Variants in GNAO1 observed in about 807,000 individuals in gnomAD.
The protein encoded by GNAO1 is G protein subunit alpha o1.
For synonymous variants in GNAO1, 164 were observed against 180.7 expected (o/e 0.91, Z 0.74); for missense variants, 166 against 478.7 (o/e 0.35, Z 6.10).
chr16:56,235,520 C>A (rs988387889), intron 2 of GNAO1: 34 of 427,682 alleles, frequency 7.9e-5, no homozygotes, highest in African/African-American at 6.7e-4. Flanking sequence ...TCCTCGACAT[C>A]CCCTGAGAGC....
chr16:56,328,525 C>A, intron 3 of GNAO1, 106 bp from the exon 4 acceptor site: 1 of 1,165,774 alleles, frequency 8.6e-7, no homozygotes, highest in Non-Finnish European at 1.2e-6. Context: ...TCCTGCTGCA[C>A]TGGCTGGGCT....
intron 3 of GNAO1, chr16:56,302,806 T>A (rs2037358055): frequency 6.6e-6 from 1 of 152,262 alleles, no homozygotes. Flanking sequence ...CCAACTGGTG[T>A]CCTTAACTTC....
At chr16:56,348,154 GTATT>G in intron 6 of GNAO1, 3 of 975,706 alleles carry the variant, frequency 3.1e-6, no homozygotes, top group Non-Finnish European at 3.7e-6. Flanking sequence ...CTGCCATAAT[GTATT>G]TATTAGTCGC....
intron 2 of GNAO1, among the ~76,000 whole-genome samples, chr16:56,261,088 C>T (rs1461498807): frequency 6.6e-6 from 1 of 152,224 alleles, no homozygotes; most frequent in African/African-American, 2.4e-5. Context: ...GGCGTGGCAA[C>T]TGACCACTGC....
chr16:56,294,720 A>G (rs1871119616), intron 3 of GNAO1, among the ~76,000 whole-genome samples: 1 of 152,188 alleles, frequency 6.6e-6, no homozygotes, highest in South Asian at 2.1e-4. Flanking sequence ...GTACTGTTGA[A>G]AATTCCACCA....
At chr16:56,219,683 C>A (rs2036466684) in intron 2 of GNAO1, among the ~76,000 whole-genome samples, 1 of 152,092 alleles carries the variant, frequency 6.6e-6, no homozygotes, top group South Asian at 2.1e-4. Flanking sequence ...ATCTTTTGAC[C>A]CTTGATACAG....
Position 56,351,044 on chromosome 16 carries a change from A to C in GNAO1, c.724-340A>C, listed in dbSNP as rs2037916760. 6.6e-6 allele frequency among the ~76,000 whole-genome samples: 1 copy of C among 152,168 alleles called. No individual in the cohort carries two copies. Among genetic ancestry groups the C allele is most frequent in the Non-Finnish European group, 1.5e-5 (1 of 68,022 alleles). On this transcript the variant is annotated intron_variant, in intron 6 of 8. Coordinates refer to ENST00000262493, the MANE Select transcript of GNAO1 (RefSeq NM_020988.3). The surrounding 1 kb of genome is among the most constrained non-coding windows in gnomAD (Gnocchi z 6.1). ...GGTGCATGCACACACACACAGGCACATGCACACAGCCACACACACGTGTGC... is the reference window on the plus strand; with the variant it reads ...GGTGCATGCACACACACACAGGCACCTGCACACAGCCACACACACGTGTGC...
intron 2 of GNAO1, among the ~76,000 whole-genome samples, chr16:56,197,974 A>G (rs576110905): frequency 1.3e-5 from 2 of 152,316 alleles, no homozygotes; most frequent in Non-Finnish European, 2.9e-5. Flanking sequence ...GGAGCCAGAC[A>G]GGCCATTATC....
In GNAO1 at chr16:56,294,077, C is replaced by T. The variant is rs554167759; in HGVS notation, c.303+18005C>T. On this transcript the variant is annotated intron_variant, in intron 3 of 8. Transcript: ENST00000262493. ...ATAGATGAGCTGAGAAAGGTTAAGT[C>T]GCTTGCCCAACTGGCAGCAGAGCCA... Among the ~76,000 whole-genome samples, 7 of 152,262 alleles carry T rather than the reference C, an allele frequency of 4.6e-5. No homozygotes were observed. The East Asian group carries it at 1.2e-3, about 25-fold the overall frequency.
chr16:56,297,887 G>C (rs567349689), intron 3 of GNAO1, among the ~76,000 whole-genome samples: 2 of 152,184 alleles, frequency 1.3e-5, no homozygotes, highest in Admixed American at 6.5e-5. Flanking sequence ...AATAGTTATC[G>C]AGTGGGAGTG....
intron 2 of GNAO1, among the ~76,000 whole-genome samples, chr16:56,198,918 C>G (rs1330064491): frequency 6.6e-6 from 1 of 152,206 alleles, no homozygotes; most frequent in East Asian, 1.9e-4. Flanking sequence ...ACTGATGTGA[C>G]ATTTTTGATG....
intron 6 of GNAO1, among the ~76,000 whole-genome samples, chr16:56,350,780 C>G (rs1192288725): frequency 6.6e-6 from 1 of 152,080 alleles, no homozygotes; most frequent in African/African-American, 2.4e-5. Flanking sequence ...GGCCCGGAGT[C>G]TCTCACCACT....
At chr16:56,305,617 T>C (rs773128004) in intron 3 of GNAO1, among the ~76,000 whole-genome samples, 2 of 152,138 alleles carry the variant, frequency 1.3e-5, no homozygotes, top group African/African-American at 2.4e-5. Flanking sequence ...TGACCCCACA[T>C]GGCCTTGTAG....
At chr16:56,316,004 G>A (rs895041935) in intron 3 of GNAO1, among the ~76,000 whole-genome samples, 1 of 151,914 alleles carries the variant, frequency 6.6e-6, no homozygotes, top group African/African-American at 2.4e-5. Flanking sequence ...GGTTGCAGTA[G>A]GCCAAAGATC....
chr16:56,198,217 T>C (rs1483228727), intron 2 of GNAO1, among the ~76,000 whole-genome samples: 1 of 152,210 alleles, frequency 6.6e-6, no homozygotes, highest in African/African-American at 2.4e-5. Flanking sequence ...TCACCTCACT[T>C]TCTTACTGAT....
chr16:56,285,671 A>G (rs2037159136), intron 3 of GNAO1, among the ~76,000 whole-genome samples: 1 of 152,260 alleles, frequency 6.6e-6, no homozygotes, highest in Non-Finnish European at 1.5e-5. Flanking sequence ...TTTTAAATGC[A>G]TCTACTTAAC....
chr16:56,283,227 C>G (rs1787725546), intron 3 of GNAO1, among the ~76,000 whole-genome samples: 2 of 152,180 alleles, frequency 1.3e-5, no homozygotes, highest in Non-Finnish European at 2.9e-5. Context: ...TGAAGAGACT[C>G]AAGATTTTTC....
chr16:56,285,606 C>G (rs2037158491), intron 3 of GNAO1, among the ~76,000 whole-genome samples: 1 of 152,206 alleles, frequency 6.6e-6, no homozygotes, highest in South Asian at 2.1e-4. Flanking sequence ...TTTGGGACTC[C>G]TGGAATATTG....
chr16:56,303,675 A>T (rs146642509), intron 3 of GNAO1, among the ~76,000 whole-genome samples: 2 of 152,300 alleles, frequency 1.3e-5, no homozygotes, highest in East Asian at 3.9e-4. Flanking sequence ...GACCTCAGAG[A>T]TGATCACATC....
Sources: allele counts gnomAD v4.1 joint callset (sites outside exome capture counted in the v4.1 genomes callset), GRCh38; gene constraint gnomAD v4.1.1; non-coding constraint Gnocchi (gnomAD v3.1); transcripts MANE v1.5; gene names NCBI Gene and HGNC (gene_info 2026-07-23, HGNC 2026-07-21).